SHC2: variants seen among roughly 807,000 people sequenced by gnomAD.
The protein encoded by SHC2 is SHC adaptor protein 2.
SHC2 carries 62 observed loss-of-function variants against 60.6 expected under a neutral mutation model. That is an observed-to-expected ratio of 1.02 (90% confidence interval 0.83 to 1.26). SHC2 has a LOEUF of 1.26. SHC2 is among the 50% of genes most tolerant of loss of function. The probability of loss-of-function intolerance (pLI) is 0.00; values close to 1 mark genes in which losing one functional copy is unlikely to be tolerated. For missense variants in SHC2, 873 were observed against 822.2 expected, an observed-to-expected ratio of 1.06 and a Z score of -0.76; for synonymous variants, 375 against 372.4, an observed-to-expected ratio of 1.01 and a Z score of -0.08.
chr19:448,954 A>G (rs1600316957), intron 1 of SHC2, among the ~76,000 whole-genome samples: 1 of 151,790 alleles, frequency 6.6e-6, no homozygotes, highest in Non-Finnish European at 1.5e-5. Context: ...GGAGTTCAAG[A>G]CCAGCCTGGG....
intron 1 of SHC2, among the ~76,000 whole-genome samples, chr19:447,925 G>A (rs548234186): frequency 1.3e-5 from 2 of 152,364 alleles, no homozygotes; most frequent in South Asian, 2.1e-4. Flanking sequence ...AAACCAGTGC[G>A]TGAAGGTTTG....
At chr19:426,226 G>A (rs1005915953) in intron 9 of SHC2, among the ~76,000 whole-genome samples, 1 of 152,214 alleles carries the variant, frequency 6.6e-6, no homozygotes, top group Non-Finnish European at 1.5e-5. Flanking sequence ...GCTGGGTGAC[G>A]AGGGCAGAGG....
intron 1 of SHC2, among the ~76,000 whole-genome samples, chr19:449,110 G>A (rs999056593): frequency 1.2e-4 from 19 of 152,182 alleles, no homozygotes; most frequent in Admixed American, 1.2e-3. Context: ...GGAGGTTGCC[G>A]TGAGCCGAGA....
chr19:421,410 A>AG (rs1568280158), intron 11 of SHC2, among the ~76,000 whole-genome samples: 81 of 145,700 alleles, frequency 5.6e-4, no homozygotes, highest in East Asian at 3.1e-3. Flanking sequence ...AAAAAAAAAA[A>AG]AAAAAAGAAA....
At position 425,113 on chromosome 19, in the gene SHC2, C is replaced by T. The variant is rs758646560; in HGVS notation, c.1293G>A (p.Lys431=). Residue 431 remains lysine (K), a synonymous_variant, in exon 10 of 13, where the codon AAG becomes AAA. Coordinates refer to ENST00000264554, the MANE Select transcript of SHC2 (RefSeq NM_012435.3). The surrounding 1 kb of genome is among the most constrained non-coding windows in gnomAD (Gnocchi z 4.1). ...DAPEPEDSPK[K]DLFDMRPFED... ...GCCACATACGCATGTCAAACAGATC[C>T]TTTTTGGGGCTGTCCTCCGGCTCGG... 3.6e-6 allele frequency: 5 copies of T among 1,405,268 alleles called. No homozygotes were observed. Among genetic ancestry groups the T allele is most frequent in the Non-Finnish European group, 4.7e-6 (5 of 1,071,744 alleles). 87.0% of individuals were successfully genotyped at this position (1,405,268 alleles called of 1,614,324 possible).
chr19:426,029 C>CAAA (rs1317631897), intron 9 of SHC2, among the ~76,000 whole-genome samples: 10 of 79,508 alleles, frequency 1.3e-4, no homozygotes, highest in Admixed American at 2.6e-4. Flanking sequence ...ACTCAGTCTC[C>CAAA]AAAAAAAAAA....
In SHC2 at chr19:425,009, C is replaced by T; in HGVS notation, c.1309+88G>A. The T allele has an allele frequency of 7.7e-7, 1 of 1,291,900 alleles. No homozygotes were observed. Among genetic ancestry groups the T allele is most frequent in the Non-Finnish European group, 1.0e-6 (1 of 996,564 alleles). 80.0% of individuals were successfully genotyped at this position (1,291,900 alleles called of 1,614,324 possible). On this transcript the variant is annotated intron_variant, in intron 10 of 12. Coordinates refer to ENST00000264554, the MANE Select transcript of SHC2 (RefSeq NM_012435.3). This position sits in a 1 kb window ranked among gnomAD's most constrained non-coding sequence, Gnocchi z 4.1. The stretch of plus-strand genomic sequence containing the variant: ...AGCCTCCCCCATCAGACCAGGGAAT[C>T]CCGTAGGGAGTGGGGGTGGGGTTGT...
At chr19:431,305 T>A (rs200165332) in intron 8 of SHC2, among the ~76,000 whole-genome samples, 741 of 73,898 alleles carry the variant, frequency 0.01, no homozygotes, top group Middle Eastern at 0.022. Flanking sequence ...TGAGTGAGAG[T>A]TAGAGGAGGC....
intron 9 of SHC2, among the ~76,000 whole-genome samples, chr19:426,604 A>C (rs1226730499): frequency 8.8e-4 from 2 of 2,260 alleles, no homozygotes; most frequent in Admixed American, 3.1e-3. Context: ...GACGACACCG[A>C]GAGGGGCAGA....
chr19:446,227 A>C lies in SHC2; in HGVS notation c.469-5295T>G, dbSNP rs565964180. Among the ~76,000 whole-genome samples, 4 of 152,220 alleles carry C rather than the reference A, an allele frequency of 2.6e-5. No homozygotes were observed. Among genetic ancestry groups the C allele is most frequent in the African/African-American group, 7.2e-5 (3 of 41,544 alleles). On this transcript the variant is annotated intron_variant, in intron 1 of 12. Coordinates refer to ENST00000264554, the MANE Select transcript of SHC2 (RefSeq NM_012435.3). This position sits in a 1 kb window ranked among gnomAD's most constrained non-coding sequence, Gnocchi z 5.4. ...CCTCCAGCAGAAACCAGCCCTGCCCACACCTTGGCTCGGACGTTGGGCCCC... is the reference window on the plus strand; with the variant it reads ...CCTCCAGCAGAAACCAGCCCTGCCCCCACCTTGGCTCGGACGTTGGGCCCC...
intron 1 of SHC2, among the ~76,000 whole-genome samples, chr19:442,960 CGGGT>C (rs1974939193): frequency 1.7e-4 from 1 of 5,888 alleles, no homozygotes; most frequent in Non-Finnish European, 3.0e-4. Context: ...GATGGATGGA[CGGGT>C]GGGTGGATGG....
At chr19:447,024 C>A (rs1297751129) in intron 1 of SHC2, among the ~76,000 whole-genome samples, 1 of 152,224 alleles carries the variant, frequency 6.6e-6, no homozygotes, top group Non-Finnish European at 1.5e-5. Context: ...ATAAACTCCA[C>A]TTACAAACAT....
Position 444,373 on chromosome 19 carries a change from G to A in SHC2, c.469-3441C>T, listed in dbSNP as rs529891843. On this transcript the variant is annotated intron_variant, in intron 1 of 12. Coordinates refer to ENST00000264554, the MANE Select transcript of SHC2 (RefSeq NM_012435.3). ...CATGTGCCTCTGGGATGATGTCTGT[G>A]CCAGTGTCTGGCGCTACAGGGCCAT... 4.3e-4 allele frequency among the ~76,000 whole-genome samples: 66 copies of A among 152,234 alleles called. 1 individual carries two copies. The highest frequency in any genetic ancestry group is 1.5e-3 in the African/African-American group (63 of 41,522).
At chr19:450,654 C>T (rs1436742906) in intron 1 of SHC2, among the ~76,000 whole-genome samples, 2 of 152,250 alleles carry the variant, frequency 1.3e-5, no homozygotes, top group African/African-American at 4.8e-5. Context: ...GTGCCGTGGC[C>T]TGGGTCAGAG....
chr19:445,597 C>T lies in SHC2; in HGVS notation c.469-4665G>A, dbSNP rs1975033697. Among the ~76,000 whole-genome samples the T allele has an allele frequency of 6.6e-6, 1 of 152,074 alleles. No homozygotes were observed. Among genetic ancestry groups the T allele is most frequent in the Admixed American group, 6.5e-5 (1 of 15,278 alleles). On this transcript the variant is annotated intron_variant, in intron 1 of 12. Coordinates refer to ENST00000264554, the MANE Select transcript of SHC2 (RefSeq NM_012435.3). The surrounding 1 kb of genome is among the most constrained non-coding windows in gnomAD (Gnocchi z 4.4). ...AAAGAAAAATTTTTAATTAGCTGAG[C>T]ATGGTGAGTGTGGGCCTGTGGTCCC...
chr19:440,282 A>G lies in SHC2; in HGVS notation c.539+580T>C, dbSNP rs78254470. On this transcript the variant is annotated intron_variant, in intron 2 of 12. Coordinates refer to ENST00000264554, the MANE Select transcript of SHC2 (RefSeq NM_012435.3). The surrounding 1 kb of genome is among the most constrained non-coding windows in gnomAD (Gnocchi z 7.0). ...TGGGGTAATGAGAATGTTCGGAACTAGACAGTGGTGATCGTGTGACTCTGT... is the reference window on the plus strand; with the variant it reads ...TGGGGTAATGAGAATGTTCGGAACTGGACAGTGGTGATCGTGTGACTCTGT... Among the ~76,000 whole-genome samples, 3,161 of 152,182 alleles carry G rather than the reference A, an allele frequency of 0.021. 107 individuals are homozygous for G. Among genetic ancestry groups the G allele is most frequent in the African/African-American group, 0.072 (2,986 of 41,490 alleles).
At chr19:429,530 A>C (rs972274758) in intron 9 of SHC2, among the ~76,000 whole-genome samples, 1 of 149,282 alleles carries the variant, frequency 6.7e-6, no homozygotes, top group African/African-American at 2.5e-5. Flanking sequence ...CGTGTGGATG[A>C]CGCAGTACCT....
chr19:459,722 G>T (rs1025608821), intron 1 of SHC2, among the ~76,000 whole-genome samples: 1 of 152,230 alleles, frequency 6.6e-6, no homozygotes, highest in Non-Finnish European at 1.5e-5. Context: ...ACAGGCTAAT[G>T]TTCCTGGCCG....
rs1028420940 is a variant in SHC2 at position 424,006 on chromosome 19, T to C, written c.1309+1091A>G. On this transcript the variant is annotated intron_variant, in intron 10 of 12. Transcript: ENST00000264554. This position sits in a 1 kb window ranked among gnomAD's most constrained non-coding sequence, Gnocchi z 4.5. ...TACACAGCAGGCGCCCACTAGGTGC[T>C]AGATGGTGTCATTATTGTGAAGCTG... Among the ~76,000 whole-genome samples, 2 of 152,168 alleles carry C rather than the reference T, an allele frequency of 1.3e-5. No homozygotes were observed. Among genetic ancestry groups the C allele is most frequent in the East Asian group, 3.9e-4 (2 of 5,184 alleles).
Sources: allele counts gnomAD v4.1 joint callset (sites outside exome capture counted in the v4.1 genomes callset), GRCh38; gene constraint gnomAD v4.1.1; non-coding constraint Gnocchi (gnomAD v3.1); transcripts MANE v1.5; gene names NCBI Gene and HGNC (gene_info 2026-07-23, HGNC 2026-07-21).